The following KRT77 variants were observed in gnomAD, a reference collection of about 807,000 sequenced individuals.
The protein encoded by KRT77 is keratin 77, also known as keratin, type II cytoskeletal 1b.
A neutral mutation model predicts 51.5 loss-of-function variants in KRT77; 44 were observed. That is an observed-to-expected ratio of 0.85 (90% CI 0.67 to 1.10). KRT77 has a LOEUF of 1.10. KRT77 is among the 50% of genes least tolerant of loss of function. KRT77 has a pLI of 0.00. For missense variants in KRT77, 763 were observed against 743.9 expected, an observed-to-expected ratio of 1.03 and a Z score of -0.30; for synonymous variants, 293 against 302.0, an observed-to-expected ratio of 0.97 and a Z score of 0.31.
Position 52,690,928 on chromosome 12 carries a change from G to T in KRT77, c.*237C>A. The T allele has an allele frequency of 3.3e-6, 2 of 605,586 alleles. No individual in the cohort carries two copies. Among genetic ancestry groups the T allele is most frequent in the Non-Finnish European group, 2.9e-6 (1 of 348,362 alleles). 37.5% of individuals were successfully genotyped at this position (605,586 alleles called of 1,614,324 possible). ...AACAGCAGCAGGGCCAGCAGAGCGG[G>T]GTCTGAGTGAGAATGTGCCTAGCTG... On this transcript the variant is annotated 3_prime_UTR_variant, in exon 9 of 9. Coordinates refer to ENST00000341809, the MANE Select transcript of KRT77 (RefSeq NM_175078.3).
In KRT77 at chr12:52,697,959, G is replaced by A. The variant is rs114406686; in HGVS notation, c.544-63C>T. 834 of 1,515,844 alleles carry A rather than the reference G, an allele frequency of 5.5e-4. 1 individual carries two copies. The highest frequency in any genetic ancestry group is 1.9e-3 in the African/African-American group (142 of 73,076). The allele number at this position is 1,515,844 out of a possible 1,614,324, so 93.9% of individuals were successfully genotyped here. ...ATCAGAGCAGCTCCCCCATAAGTAGGAGCATCCATACCCCCTCAACACATC... is the reference window on the plus strand; with the variant it reads ...ATCAGAGCAGCTCCCCCATAAGTAGAAGCATCCATACCCCCTCAACACATC... On this transcript the variant is annotated intron_variant, in intron 1 of 8. Coordinates refer to ENST00000341809, the MANE Select transcript of KRT77 (RefSeq NM_175078.3).
In KRT77 at chr12:52,697,726, C is replaced by T. The variant is rs560953613; in HGVS notation, c.714G>A (p.Ala238=). ...LLSAEQMRQN[A]EVRSMQDVVE... is the part of the protein sequence containing the mutation. ...CGACATCCTGCATGCTCCTGACCTCCGCGTTCTGGCGCATCTGCTCCGCAC... is the reference window on the plus strand; with the variant it reads ...CGACATCCTGCATGCTCCTGACCTCTGCGTTCTGGCGCATCTGCTCCGCAC... Residue 238 remains alanine, a synonymous_variant, in exon 2 of 9, where the codon GCG becomes GCA. Coordinates refer to ENST00000341809, the MANE Select transcript of KRT77 (RefSeq NM_175078.3). 1.6e-5 allele frequency: 26 copies of T among 1,614,064 alleles called. No homozygotes were observed. The highest frequency in any genetic ancestry group is 1.3e-4 in the South Asian group (12 of 91,078).
chr12:52,690,473 T>C lies in KRT77; in HGVS notation c.*692A>G, dbSNP rs1439529844. On this transcript the variant is annotated 3_prime_UTR_variant, in exon 9 of 9. Transcript: ENST00000341809. Reference sequence around the variant, plus strand: ...GAGGCTATGGACCAAGAGGCAGGAATAGGCCGCTGGTGCAGAGGTTTTCCT... The same window carrying C: ...GAGGCTATGGACCAAGAGGCAGGAACAGGCCGCTGGTGCAGAGGTTTTCCT... The C allele has an allele frequency of 6.4e-6, 1 of 155,444 alleles. No individual in the cohort carries two copies. The highest frequency in any genetic ancestry group is 1.4e-5 in the Non-Finnish European group (1 of 70,106). 9.6% of individuals were successfully genotyped at this position (155,444 alleles called of 1,614,324 possible).
At position 52,697,756 on chromosome 12, in the gene KRT77, C is replaced by CA; in HGVS notation, c.683dup (p.Leu228PhefsTer28). The stretch of plus-strand genomic sequence containing the variant: ...TCTGGCGCATCTGCTCCGCACTGAG[C>CA]AAATCCACCTGCCTCCGCAGGTCAC... On this transcript the variant is annotated frameshift_variant, in exon 2 of 9. Coordinates refer to ENST00000341809, the MANE Select transcript of KRT77 (RefSeq NM_175078.3). LOFTEE classifies it high-confidence loss of function. The CA allele has an allele frequency of 3.7e-6, 6 of 1,614,164 alleles. No individual in the cohort carries two copies. The highest frequency in any genetic ancestry group is 5.1e-6 in the Non-Finnish European group (6 of 1,180,006).
chr12:52,702,239 G>A lies in KRT77; in HGVS notation c.543+653C>T, dbSNP rs551688584. Among the ~76,000 whole-genome samples, 36 of 152,246 alleles carry A rather than the reference G, an allele frequency of 2.4e-4. No individual in the cohort carries two copies. The South Asian group carries it at 4.1e-3, about 18-fold the overall frequency. On this transcript the variant is annotated intron_variant, in intron 1 of 8. Transcript: ENST00000341809. ...TGTAGTAATTCTCTCCCCTTTAGAC[G>A]TGGGCTCCTTGATGGCAGGACCTGT...
At position 52,692,778 on chromosome 12, in the gene KRT77, C is replaced by T; in HGVS notation, c.1183G>A (p.Glu395Lys). 6.2e-7 allele frequency: 1 copy of T among 1,604,564 alleles called. No homozygotes were observed. Among genetic ancestry groups the T allele is most frequent in the Non-Finnish European group, 8.5e-7 (1 of 1,171,878 alleles). Residue 395 changes from glutamate to lysine, a missense_variant, in exon 6 of 9, where the codon GAG (glutamate) becomes AAG (lysine). Glu to Lys is a moderately conservative substitution (Grantham distance 56). Transcript: ENST00000341809. ...LNRTVQRLQA[E>K]ISNVKKQIEQ... ...ACCTGCTTCTTCACGTTGCTGATCT[C>T]TGCCTGCAGCCTCTGGACGGTGCGG...
At chr12:52,695,555 G>A (rs1363031682) in intron 4 of KRT77, among the ~76,000 whole-genome samples, 1 of 152,132 alleles carries the variant, frequency 6.6e-6, no homozygotes, top group Non-Finnish European at 1.5e-5. Context: ...ACCTAACTCA[G>A]GATTCTCCCA....
Position 52,690,856 on chromosome 12 carries a change from T to G in KRT77, c.*309A>C. The G allele has an allele frequency of 2.0e-6, 1 of 498,924 alleles. No individual in the cohort carries two copies. The highest frequency in any genetic ancestry group is 2.0e-5 in the African/African-American group (1 of 50,418). 30.9% of individuals were successfully genotyped at this position (498,924 alleles called of 1,614,324 possible). A position where few individuals can be genotyped will look rare whatever the true frequency, so the allele number is the denominator to read the frequency against. On this transcript the variant is annotated 3_prime_UTR_variant, in exon 9 of 9. Coordinates refer to ENST00000341809, the MANE Select transcript of KRT77 (RefSeq NM_175078.3). ...GCAGCCTCTGCCTCTAACTGGAATG[T>G]TTGTGCTCACCCTGGGCTACCGATC...
At chr12:52,695,947 G>C in intron 3 of KRT77, 80 bp from the exon 4 acceptor site, 1 of 881,962 alleles carries the variant, frequency 1.1e-6, no homozygotes, top group Non-Finnish European at 1.9e-6. Flanking sequence ...TCAGGCGAGT[G>C]GCAGAGCCAC....
At position 52,692,530 on chromosome 12, in the gene KRT77, C is replaced by T. The variant is rs1300499624; in HGVS notation, c.1318G>A (p.Glu440Lys). 3 of 1,614,042 alleles carry T rather than the reference C, an allele frequency of 1.9e-6. No homozygotes were observed. Among genetic ancestry groups the T allele is most frequent in the East Asian group, 4.5e-5 (2 of 44,872 alleles). Residue 440 changes from glutamate (E) to lysine (K), a missense_variant, in exon 7 of 9, where the codon GAG (glutamate) becomes AAG (lysine). Physicochemically the swap from Glu to Lys is moderately conservative, Grantham distance 56. Transcript: ENST00000341809. ...TCACGCAGCAGCCGGGCCAGCTCCT[C>T]CTTGGACTGCTGCAGGGCCTCCTCC... is the stretch of plus-strand genomic sequence containing the variant. ...DLEEALQQSK[E>K]ELARLLRDYQ...
chr12:52,698,802 C>A (rs76982707), intron 1 of KRT77, among the ~76,000 whole-genome samples: 2,690 of 152,344 alleles, frequency 0.018, 89 homozygotes, highest in African/African-American at 0.061. Context: ...CTTTGCTCGG[C>A]CGCATGCAGG....
chr12:52,702,534 G>A (rs1388226126), intron 1 of KRT77, among the ~76,000 whole-genome samples: 1 of 74,108 alleles, frequency 1.3e-5, no homozygotes, highest in Non-Finnish European at 3.0e-5. Context: ...GGATGTGTGT[G>A]TGTGTGTGTG....
In KRT77 at chr12:52,697,531, A is replaced by C. The variant is rs140381081; in HGVS notation, c.758+151T>G. 677 of 600,164 alleles carry C rather than the reference A, an allele frequency of 1.1e-3. 1 individual carries two copies. The highest frequency in any genetic ancestry group is 0.011 in the African/African-American group (611 of 54,688). 37.2% of individuals were successfully genotyped at this position (600,164 alleles called of 1,614,324 possible). A position where few individuals can be genotyped will look rare whatever the true frequency, so the allele number is the denominator to read the frequency against. ...AATATCATTCTACCCGGGTTGCCAC[A>C]TACAAAACAGTGCCTCCTGCAGTTG... is the stretch of plus-strand genomic sequence containing the variant. On this transcript the variant is annotated intron_variant, in intron 2 of 8. Coordinates refer to ENST00000341809, the MANE Select transcript of KRT77 (RefSeq NM_175078.3).
chr12:52,696,432 T>G lies in KRT77; in HGVS notation c.759-2A>C. ...CTCTTGTTGATTTCATCCTCATACC[T>G]GTCAGGCGAGGCAAAGGAGCACAGA... is the stretch of plus-strand genomic sequence containing the variant. On this transcript the variant is annotated splice_acceptor_variant, in intron 2 of 8. Coordinates refer to ENST00000341809, the MANE Select transcript of KRT77 (RefSeq NM_175078.3). LOFTEE classifies it high-confidence loss of function. 1.2e-6 allele frequency: 2 copies of G among 1,614,044 alleles called. No homozygotes were observed. Among genetic ancestry groups the G allele is most frequent in the Non-Finnish European group, 1.7e-6 (2 of 1,179,858 alleles).
intron 1 of KRT77, among the ~76,000 whole-genome samples, chr12:52,700,766 C>A (rs527863774): frequency 6.6e-6 from 1 of 152,244 alleles, no homozygotes; most frequent in East Asian, 1.9e-4. Flanking sequence ...AATATAGGGC[C>A]TTGTAGGACT....
intron 2 of KRT77, 23 bp from the exon 3 acceptor site, chr12:52,696,453 A>T: frequency 1.2e-6 from 2 of 1,610,072 alleles, no homozygotes; most frequent in Non-Finnish European, 1.7e-6. Context: ...GCAAAGGAGC[A>T]CAGAAAGGCT....
At chr12:52,696,037 AAGG>A (rs1266958859) in intron 3 of KRT77, among the ~76,000 whole-genome samples, 170 bp from the exon 4 acceptor site, 2 of 152,212 alleles carry the variant, frequency 1.3e-5, no homozygotes, top group Non-Finnish European at 2.9e-5. Context: ...TCCTGGCCAG[AAGG>A]AGATGTGACA....
chr12:52,699,318 G>T (rs558892717), intron 1 of KRT77, among the ~76,000 whole-genome samples: 1 of 152,306 alleles, frequency 6.6e-6, no homozygotes, highest in African/African-American at 2.4e-5. Flanking sequence ...AGGGAGCAGT[G>T]ACACAACTCT....
At chr12:52,695,036 G>C (rs77894470) in intron 4 of KRT77, 2 of 277,174 alleles carry the variant, frequency 7.2e-6, no homozygotes, top group African/African-American at 2.2e-5. Context: ...TTCTCCTGCA[G>C]CTGCCACTCT....
Sources: allele counts gnomAD v4.1 joint callset (sites outside exome capture counted in the v4.1 genomes callset), GRCh38; gene constraint gnomAD v4.1.1; transcripts MANE v1.5; gene names NCBI Gene and HGNC (gene_info 2026-07-23, HGNC 2026-07-21).